Variants in HOOK3 observed in about 807,000 individuals in gnomAD.
HOOK3 encodes the protein hook microtubule tethering protein 3.
HOOK3 carries 24 observed loss-of-function variants against 116.3 expected under a neutral mutation model. The observed-to-expected ratio is 0.21, with a 90% CI of 0.15 to 0.29. The LOEUF (loss-of-function observed/expected upper bound fraction) is 0.29. HOOK3 is among the 10% of genes least tolerant of loss of function. The pLI is 1.00. For missense variants in HOOK3, 632 were observed against 830.2 expected (o/e 0.76, Z 2.93); for synonymous variants, 275 against 283.0 (o/e 0.97, Z 0.28).
At chr8:42,941,189 C>A (rs771017383) in intron 4 of HOOK3, among the ~76,000 whole-genome samples, 41 of 150,838 alleles carry the variant, frequency 2.7e-4, no homozygotes, top group Non-Finnish European at 3.0e-4. Context: ...TCAGGTGATC[C>A]GCCCGCCTTG....
Position 42,904,704 on chromosome 8 carries a change from C to G in HOOK3, c.58-1469C>G, listed in dbSNP as rs186405204. On this transcript the variant is annotated intron_variant, in intron 1 of 21. Coordinates refer to ENST00000307602, the MANE Select transcript of HOOK3 (RefSeq NM_032410.4). ...TTCATAGAATAAGGTCCTAATGTGGCTTCTAAGGTTTTACATGTTAATTCT... is the reference window on the plus strand; with the variant it reads ...TTCATAGAATAAGGTCCTAATGTGGGTTCTAAGGTTTTACATGTTAATTCT... 2.0e-4 allele frequency among the ~76,000 whole-genome samples: 30 copies of G among 152,264 alleles called. 1 individual carries two copies. The highest frequency in any genetic ancestry group is 6.7e-4 in the African/African-American group (28 of 41,562).
At chr8:42,946,763 C>CT (rs34564365) in intron 5 of HOOK3, among the ~76,000 whole-genome samples, 31 of 73,920 alleles carry the variant, frequency 4.2e-4, no homozygotes, top group Admixed American at 9.0e-4. Flanking sequence ...CTCTTTCTTT[C>CT]TTTTTTTTTT....
chr8:42,942,791 G>T (rs1321191453), intron 4 of HOOK3, among the ~76,000 whole-genome samples: 3 of 152,140 alleles, frequency 2.0e-5, no homozygotes, highest in Non-Finnish European at 4.4e-5. Context: ...AGGATTGTCA[G>T]GCAGAGACCT....
intron 1 of HOOK3, among the ~76,000 whole-genome samples, chr8:42,899,841 G>T (rs1011490916): frequency 7.9e-5 from 12 of 152,184 alleles, no homozygotes; most frequent in Non-Finnish European, 1.5e-4. Flanking sequence ...TGTACTTCTA[G>T]AGCCTCCCTG....
chr8:42,943,673 A>G (rs1418707928), intron 5 of HOOK3, among the ~76,000 whole-genome samples: 1 of 152,190 alleles, frequency 6.6e-6, no homozygotes, highest in Non-Finnish European at 1.5e-5. Flanking sequence ...GTGCAATACC[A>G]CATAATTCCT....
At position 43,019,840 on chromosome 8, in the gene HOOK3, AT is replaced by A; in HGVS notation, c.*1348del. 1 of 204,230 alleles carries A rather than the reference AT, an allele frequency of 4.9e-6. No homozygotes were observed. 12.7% of individuals were successfully genotyped at this position (204,230 alleles called of 1,614,324 possible). Reference sequence around the variant, plus strand: ...AGTCTTTTTTCTTGCAACGTAGCCCATTTTTTGAAAGCAAAACATTTCTGAA... The same window carrying A: ...AGTCTTTTTTCTTGCAACGTAGCCCATTTTTGAAAGCAAAACATTTCTGAA... On this transcript the variant is annotated 3_prime_UTR_variant, in exon 22 of 22. Coordinates refer to ENST00000307602, the MANE Select transcript of HOOK3 (RefSeq NM_032410.4).
At chr8:42,915,584 A>G (rs1048839134) in intron 2 of HOOK3, among the ~76,000 whole-genome samples, 3 of 152,038 alleles carry the variant, frequency 2.0e-5, no homozygotes, top group African/African-American at 2.4e-5. Context: ...GGTGCCCACC[A>G]CCATGCCCAG....
At chr8:43,009,465 T>C (rs1264645252) in intron 18 of HOOK3, among the ~76,000 whole-genome samples, 1 of 152,114 alleles carries the variant, frequency 6.6e-6, no homozygotes, top group East Asian at 1.9e-4. Context: ...AATGTCTTTC[T>C]GATTGTACTT....
intron 4 of HOOK3, among the ~76,000 whole-genome samples, chr8:42,937,662 A>C (rs1252971722): frequency 6.6e-6 from 1 of 151,626 alleles, no homozygotes; most frequent in African/African-American, 2.4e-5. Flanking sequence ...GTAGTCATTC[A>C]GGAGCAGGTT....
At chr8:42,908,699 T>A (rs902256806) in intron 2 of HOOK3, among the ~76,000 whole-genome samples, 3 of 152,186 alleles carry the variant, frequency 2.0e-5, no homozygotes, top group Non-Finnish European at 2.9e-5. Context: ...CCTACTGAAT[T>A]TGAAAAACTA....
rs1413929884 is a variant in HOOK3 at position 42,968,158 on chromosome 8, GAAGAGTT to G, written c.1071_1077del (p.Leu358ArgfsTer16). On this transcript the variant is annotated frameshift_variant, in exon 11 of 22. Coordinates refer to ENST00000307602, the MANE Select transcript of HOOK3 (RefSeq NM_032410.4). LOFTEE classifies it high-confidence loss of function. ...TATGCAGAATACTGTCAGTCTAGAG[GAAGAGTT>G]AAGAAAGGCCAACGCAGCGCGAAGT... The G allele has an allele frequency of 6.2e-7, 1 of 1,613,838 alleles. No homozygotes were observed. Among genetic ancestry groups the G allele is most frequent in the African/African-American group, 1.3e-5 (1 of 74,902 alleles).
chr8:43,006,161 C>T (rs1463335276), intron 17 of HOOK3, among the ~76,000 whole-genome samples: 1 of 147,036 alleles, frequency 6.8e-6, no homozygotes, highest in Non-Finnish European at 1.5e-5. Flanking sequence ...GCTGGGACTA[C>T]AGGCGCCCAC....
chr8:42,943,230 G>C, intron 4 of HOOK3, 83 bp from the exon 5 acceptor site: 1 of 878,714 alleles, frequency 1.1e-6, no homozygotes, highest in East Asian at 2.9e-5. Flanking sequence ...TGAGTTTCTG[G>C]TAATAACAAA....
intron 4 of HOOK3, among the ~76,000 whole-genome samples, chr8:42,937,708 G>A (rs1462466902): frequency 6.6e-6 from 1 of 152,162 alleles, no homozygotes; most frequent in Non-Finnish European, 1.5e-5. Flanking sequence ...TTTTGAATGA[G>A]TTTTTAATCC....
chr8:43,014,874 G>A (rs547221906), intron 21 of HOOK3, among the ~76,000 whole-genome samples: 5 of 152,254 alleles, frequency 3.3e-5, no homozygotes, highest in East Asian at 3.9e-4. Flanking sequence ...GCTCGGTGCG[G>A]TGGCTAATGC....
intron 13 of HOOK3, among the ~76,000 whole-genome samples, chr8:42,975,204 G>A (rs1450216635): frequency 1.3e-5 from 2 of 152,176 alleles, no homozygotes; most frequent in African/African-American, 2.4e-5. Flanking sequence ...CCTCAGCGCC[G>A]CCGGGCTGGG....
At position 43,026,432 on chromosome 8, in the gene HOOK3, G is replaced by A. The variant is rs1287905071; in HGVS notation, c.*7934G>A. On this transcript the variant is annotated 3_prime_UTR_variant, in exon 22 of 22. Coordinates refer to ENST00000307602, the MANE Select transcript of HOOK3 (RefSeq NM_032410.4). ...GTTATCTTAGAGTCAGGAATCTAAA[G>A]GTCTAAGTCTAGAAATCTGTTGGAA... 1 of 206,530 alleles carries A rather than the reference G, an allele frequency of 4.8e-6. No homozygotes were observed. Among genetic ancestry groups the A allele is most frequent in the Admixed American group, 6.0e-5 (1 of 16,804 alleles). 12.8% of individuals were successfully genotyped at this position (206,530 alleles called of 1,614,324 possible).
At chr8:42,977,258 G>T (rs1808847391) in intron 13 of HOOK3, among the ~76,000 whole-genome samples, 1 of 152,078 alleles carries the variant, frequency 6.6e-6, no homozygotes, top group Non-Finnish European at 1.5e-5. Context: ...TCTTATATAA[G>T]CAGAAAGGAG....
intron 2 of HOOK3, among the ~76,000 whole-genome samples, chr8:42,920,434 C>T (rs751197774): frequency 6.6e-6 from 1 of 152,204 alleles, no homozygotes; most frequent in Non-Finnish European, 1.5e-5. Flanking sequence ...GACTACTATT[C>T]TTAGTATATT....
Sources: gnomAD v4.1 joint callset for allele counts (sites outside exome capture counted in the v4.1 genomes callset) on GRCh38, gnomAD v4.1.1 for gene constraint, MANE v1.5 for transcripts, NCBI Gene and HGNC (gene_info 2026-07-23, HGNC 2026-07-21) for gene names.